ABHD3: variants seen among roughly 807,000 people sequenced by gnomAD.
ABHD3 encodes abhydrolase domain containing 3, phospholipase.
A neutral mutation model predicts 48.8 loss-of-function variants in ABHD3; 46 were observed. The observed-to-expected ratio is 0.94, with a 90% confidence interval of 0.74 to 1.20. The LOEUF (loss-of-function observed/expected upper bound fraction) is 1.20, where lower values mean the gene tolerates loss of function less well. Ranked by LOEUF, ABHD3 falls within the 50% of genes most tolerant of loss-of-function variation. The pLI is 0.00. For synonymous variants in ABHD3, 192 were observed against 183.7 expected, an observed-to-expected ratio of 1.04 and a Z score of -0.36; for missense variants, 490 against 497.8, an observed-to-expected ratio of 0.98 and a Z score of 0.15.
chr18:21,686,049 GC>G (rs1464068388), intron 3 of ABHD3, among the ~76,000 whole-genome samples: 1 of 152,162 alleles, frequency 6.6e-6, no homozygotes, highest in African/African-American at 2.4e-5. Context: ...TCACCATGTT[GC>G]CCAGGTTGGT....
intron 8 of ABHD3, among the ~76,000 whole-genome samples, chr18:21,654,226 T>C (rs895835270): frequency 6.6e-6 from 1 of 152,018 alleles, no homozygotes; most frequent in Non-Finnish European, 1.5e-5. Flanking sequence ...TCCAAATATA[T>C]ATATATAATG....
At chr18:21,652,331 G>GA (rs1318310088) in intron 8 of ABHD3, among the ~76,000 whole-genome samples, 1 of 149,876 alleles carries the variant, frequency 6.7e-6, no homozygotes, top group Non-Finnish European at 1.5e-5. Flanking sequence ...CATCTTGAAA[G>GA]AAAGAAAAGA....
intron 3 of ABHD3, among the ~76,000 whole-genome samples, chr18:21,692,138 C>T (rs755508120): frequency 4.6e-5 from 7 of 152,096 alleles, no homozygotes; most frequent in Non-Finnish European, 8.8e-5. Flanking sequence ...TTAGTAGTGA[C>T]GGGGTTTCAC....
Position 21,670,537 on chromosome 18 carries a change from C to T in ABHD3, c.556-6307G>A, listed in dbSNP as rs1794608048. Among the ~76,000 whole-genome samples, 3 of 152,278 alleles carry T rather than the reference C, an allele frequency of 2.0e-5. No individual in the cohort carries two copies. In the South Asian group the frequency reaches 6.2e-4, roughly 32 times the overall value. The stretch of plus-strand genomic sequence containing the variant: ...TCTGCCAAGCATTCAAGACTTTCCA[C>T]AATATGACGCCGAGCAATCCTTCCA... On this transcript the variant is annotated intron_variant, in intron 4 of 8. Coordinates refer to ENST00000289119, the MANE Select transcript of ABHD3 (RefSeq NM_138340.5).
intron 5 of ABHD3, among the ~76,000 whole-genome samples, chr18:21,660,844 G>C (rs2039476201): frequency 1.3e-5 from 2 of 152,054 alleles, no homozygotes; most frequent in African/African-American, 4.8e-5. Flanking sequence ...GTTCATTCTA[G>C]AGTCCTAGTT....
chr18:21,704,421 C>T, intron 1 of ABHD3, 83 bp downstream of exon 1: 1 of 1,235,804 alleles, frequency 8.1e-7, no homozygotes, highest in Non-Finnish European at 1.0e-6. Flanking sequence ...TGCCGACCGC[C>T]CCTGGCCGCG....
Position 21,664,221 on chromosome 18 carries a change from T to A in ABHD3, c.565A>T (p.Thr189Ser), listed in dbSNP as rs757978890. 1.9e-6 allele frequency: 3 copies of A among 1,612,798 alleles called. No homozygotes were observed. The highest frequency in any genetic ancestry group is 8.5e-7 in the Non-Finnish European group (1 of 1,179,708). ...TCTTCAGTGTTAGCACAACAATAAG[T>A]CCTTGGCGTCTGGAAGTAGTGACAA... The part of the protein sequence containing the change: ...VAGENLLTPR[T>S]YCCANTEDLE... Residue 189 changes from threonine to serine, a missense_variant, in exon 5 of 9, where the codon ACT (threonine) becomes TCT (serine). Physicochemically the swap from Thr to Ser is moderately conservative, Grantham distance 58. Coordinates refer to ENST00000289119, the MANE Select transcript of ABHD3 (RefSeq NM_138340.5).
intron 3 of ABHD3, among the ~76,000 whole-genome samples, chr18:21,696,881 CTT>C (rs2040381940): frequency 1.3e-5 from 2 of 151,968 alleles, no homozygotes; most frequent in Non-Finnish European, 2.9e-5. Context: ...CCTGGCCTCT[CTT>C]ATTTTATTTA....
intron 4 of ABHD3, among the ~76,000 whole-genome samples, chr18:21,674,207 C>T (rs2039822825): frequency 6.7e-6 from 1 of 149,918 alleles, no homozygotes; most frequent in Non-Finnish European, 1.5e-5. Flanking sequence ...AAAACTCTTC[C>T]ATTATTCAAC....
intron 4 of ABHD3, among the ~76,000 whole-genome samples, chr18:21,667,805 A>C (rs149208740): frequency 1.4e-4 from 21 of 152,256 alleles, no homozygotes; most frequent in Admixed American, 2.6e-4. Context: ...AACAGCTACT[A>C]ACTGACTATG....
At chr18:21,700,953 A>C (rs960328093) in intron 3 of ABHD3, among the ~76,000 whole-genome samples, 1 of 27,040 alleles carries the variant, frequency 3.7e-5, no homozygotes, top group Non-Finnish European at 5.9e-5. Flanking sequence ...ATTTGGCCTC[A>C]AAAAAAAAAA....
In ABHD3 at chr18:21,702,463, G is replaced by A. The variant is rs2040534166; in HGVS notation, c.362C>T (p.Ser121Leu). Reference sequence around the variant, plus strand: ...GTTATCATTATCAAACCAGTCCAGTGAAATCTGTCCTCCATCTGCAGTTTT... The same window carrying A: ...GTTATCATTATCAAACCAGTCCAGTAAAATCTGTCCTCCATCTGCAGTTTT... ...LIKTADGGQI[S>L]LDWFDNDNST... is the part of the protein sequence containing the mutation. Residue 121 changes from serine (S) to leucine (L), a missense_variant, in exon 3 of 9, where the codon TCA becomes TTA. Ser to Leu is a moderately radical substitution (Grantham distance 145). Transcript: ENST00000289119. The A allele has an allele frequency of 1.2e-6, 2 of 1,609,008 alleles. No individual in the cohort carries two copies. The highest frequency in any genetic ancestry group is 1.7e-6 in the Non-Finnish European group (2 of 1,177,022).
At chr18:21,663,058 A>C (rs1344766658) in intron 5 of ABHD3, among the ~76,000 whole-genome samples, 2 of 152,176 alleles carry the variant, frequency 1.3e-5, no homozygotes, top group African/African-American at 4.8e-5. Context: ...TTAGTAGGTC[A>C]AGTCAGACCT....
chr18:21,674,229 T>G (rs1004663970), intron 4 of ABHD3, among the ~76,000 whole-genome samples: 2 of 46,886 alleles, frequency 4.3e-5, no homozygotes, highest in African/African-American at 5.9e-4. Context: ...AAACATTCTT[T>G]CTTTTATTTT....
intron 4 of ABHD3, 52 bp from the exon 5 acceptor site, chr18:21,664,282 T>G (rs759309957): frequency 6.4e-7 from 1 of 1,553,116 alleles, no homozygotes; most frequent in South Asian, 1.2e-5. Context: ...GGTTAATGAT[T>G]TGTAAAATGC....
chr18:21,687,248 G>T (rs2040147967), intron 3 of ABHD3, among the ~76,000 whole-genome samples: 1 of 150,970 alleles, frequency 6.6e-6, no homozygotes, highest in East Asian at 2.0e-4. Flanking sequence ...TTGCTCTGTT[G>T]CCCCTGCTGG....
intron 3 of ABHD3, among the ~76,000 whole-genome samples, chr18:21,700,238 T>C (rs187768245): frequency 0.01 from 1,539 of 148,252 alleles, 12 homozygotes; most frequent in Non-Finnish European, 0.014. Context: ...TACAAGCATG[T>C]GCCACCACAC....
intron 5 of ABHD3, among the ~76,000 whole-genome samples, chr18:21,660,924 G>C (rs568433308): frequency 6.6e-6 from 1 of 151,950 alleles, no homozygotes; most frequent in African/African-American, 2.4e-5. Flanking sequence ...AAATTAGAAG[G>C]CCTTGAAGGG....
chr18:21,671,011 C>A (rs934794351), intron 4 of ABHD3, among the ~76,000 whole-genome samples: 1 of 152,056 alleles, frequency 6.6e-6, no homozygotes, highest in Non-Finnish European at 1.5e-5. Context: ...TAGACCCTGT[C>A]TCAAAAAAAT....
Sources: allele counts gnomAD v4.1 joint callset (sites outside exome capture counted in the v4.1 genomes callset), GRCh38; gene constraint gnomAD v4.1.1; transcripts MANE v1.5; gene names NCBI Gene and HGNC (gene_info 2026-07-23, HGNC 2026-07-21).